The following NCAM2 variants were observed in gnomAD, a reference collection of about 807,000 sequenced individuals.
NCAM2 encodes the protein neural cell adhesion molecule 2.
A neutral mutation model predicts 98.1 loss-of-function variants in NCAM2; 30 were observed. The observed-to-expected ratio is 0.31, with a 90% CI of 0.23 to 0.41. The LOEUF (loss-of-function observed/expected upper bound fraction) is 0.41. NCAM2 is among the 10% of genes least tolerant of loss of function. The pLI is 1.00. For synonymous variants in NCAM2, 368 were observed against 342.4 expected, an observed-to-expected ratio of 1.07 and a Z score of -0.83; for missense variants, 867 against 1,005.8, an observed-to-expected ratio of 0.86 and a Z score of 1.87.
chr21:21,442,952 A>T (rs1250727944), intron 12 of NCAM2, among the ~76,000 whole-genome samples: 1 of 152,158 alleles, frequency 6.6e-6, no homozygotes, highest in South Asian at 2.1e-4. Flanking sequence ...CGCCCCTCCT[A>T]CAAACACTGG....
intron 1 of NCAM2, among the ~76,000 whole-genome samples, chr21:21,152,594 A>G (rs955880442): frequency 4.6e-5 from 7 of 152,002 alleles, no homozygotes; most frequent in African/African-American, 2.4e-5. Context: ...ATTTTAGGCT[A>G]GACTTTGTGG....
chr21:21,209,823 G>A (rs997311686), intron 1 of NCAM2, among the ~76,000 whole-genome samples: 2 of 152,130 alleles, frequency 1.3e-5, no homozygotes, highest in Non-Finnish European at 2.9e-5. Flanking sequence ...GCCGAATCTT[G>A]CTATGTTCCC....
rs1987261074 is a variant in NCAM2 at position 21,496,680 on chromosome 21, C to T, written c.2078-12171C>T. The stretch of plus-strand genomic sequence containing the variant: ...TCATTTGGAGATTTAGCCAAAAATC[C>T]CTTGCCAAGGCCAATGTCAAGAAGA... On this transcript the variant is annotated intron_variant, in intron 15 of 17. Coordinates refer to ENST00000400546, the MANE Select transcript of NCAM2 (RefSeq NM_004540.5). Among the ~76,000 whole-genome samples, 2 of 151,958 alleles carry T rather than the reference C, an allele frequency of 1.3e-5. 1 individual carries two copies. The highest frequency in any genetic ancestry group is 4.1e-4 in the South Asian group (2 of 4,824).
At chr21:21,100,832 C>T (rs1037314489) in intron 1 of NCAM2, among the ~76,000 whole-genome samples, 5 of 152,032 alleles carry the variant, frequency 3.3e-5, no homozygotes, top group Non-Finnish European at 7.4e-5. Context: ...TAGCTGTTCT[C>T]TTGGGAGCAC....
chr21:21,525,041 A>T (rs1284012609), intron 16 of NCAM2, among the ~76,000 whole-genome samples: 3 of 152,262 alleles, frequency 2.0e-5, no homozygotes, highest in East Asian at 3.9e-4. Context: ...CCTTGAATAC[A>T]TATATTAGAA....
intron 5 of NCAM2, among the ~76,000 whole-genome samples, chr21:21,298,170 A>T (rs2028737): frequency 0.74 from 111,979 of 151,602 alleles, 41,491 homozygotes; most frequent in South Asian, 0.82. Context: ...CTATTTATAA[A>T]AAATGAAAAG....
intron 2 of NCAM2, among the ~76,000 whole-genome samples, chr21:21,282,734 A>T (rs1454992148): frequency 3.3e-5 from 5 of 151,636 alleles, no homozygotes. Context: ...AACTACATTT[A>T]AGAAAATAAA....
intron 1 of NCAM2, among the ~76,000 whole-genome samples, chr21:21,063,210 C>CTTTTTTTTTTTTTTTTTT (rs11325446): frequency 1.5e-5 from 1 of 66,052 alleles, no homozygotes; most frequent in Admixed American, 2.7e-4. Flanking sequence ...TCTTTACATT[C>CTTTTTTTTTTTTTTTTTT]TTTTTTTTTT....
intron 1 of NCAM2, among the ~76,000 whole-genome samples, chr21:21,125,712 T>TAG (rs1369606850): frequency 5.5e-5 from 2 of 36,072 alleles, no homozygotes; most frequent in African/African-American, 1.2e-4. Context: ...CATATATATA[T>TAG]ATAGAGAGAG....
rs376203965 is a variant in NCAM2 at position 21,293,311 on chromosome 21, A to G, written c.619+1070A>G. ...TAATTTTTTTTTTTCTTGAATTCAT[A>G]CAACTTGGTTTCTCTACACTTAATC... On this transcript the variant is annotated intron_variant, in intron 5 of 17. Transcript: ENST00000400546. Among the ~76,000 whole-genome samples, 14 of 151,616 alleles carry G rather than the reference A, an allele frequency of 9.2e-5. No homozygotes were observed. The South Asian group carries it at 1.5e-3, about 16-fold the overall frequency.
At chr21:21,048,689 C>A (rs1320609253) in intron 1 of NCAM2, among the ~76,000 whole-genome samples, 1 of 152,122 alleles carries the variant, frequency 6.6e-6, no homozygotes, top group East Asian at 1.9e-4. Context: ...ATGTCTCATG[C>A]CTCCCTAAAA....
At chr21:21,076,412 G>C (rs8128089) in intron 1 of NCAM2, among the ~76,000 whole-genome samples, 5,631 of 152,144 alleles carry the variant, frequency 0.037, 325 homozygotes, top group African/African-American at 0.13. Flanking sequence ...TAGAAAATTA[G>C]AGCCATTTAA....
At chr21:21,000,761 A>T (rs896090953) in intron 1 of NCAM2, among the ~76,000 whole-genome samples, 4 of 152,222 alleles carry the variant, frequency 2.6e-5, no homozygotes, top group African/African-American at 9.6e-5. Context: ...CTTCTATGCC[A>T]TGTGTCCTGA....
intron 9 of NCAM2, among the ~76,000 whole-genome samples, chr21:21,385,264 G>GT (rs1555885223): frequency 6.6e-6 from 1 of 151,680 alleles, no homozygotes; most frequent in Non-Finnish European, 1.5e-5. Flanking sequence ...AGCTATTGTC[G>GT]TAATTAAATA....
intron 1 of NCAM2, among the ~76,000 whole-genome samples, chr21:21,064,967 G>A (rs1295863653): frequency 6.6e-6 from 1 of 152,006 alleles, no homozygotes; most frequent in Non-Finnish European, 1.5e-5. Context: ...ATCACCTGAG[G>A]TCAGGAGTTC....
chr21:21,280,408 TA>T (rs1471318697), intron 1 of NCAM2, among the ~76,000 whole-genome samples, 169 bp from the exon 2 acceptor site: 1 of 152,156 alleles, frequency 6.6e-6, no homozygotes, highest in Non-Finnish European at 1.5e-5. Context: ...AACAAAGTAA[TA>T]TGTATAATGG....
At position 21,338,445 on chromosome 21, in the gene NCAM2, A is replaced by G; in HGVS notation, c.955A>G (p.Thr319Ala). ...AACTACATATGAGAATGGTCAAGTCACACTCGTATGTGATGCGGAAGGGGA... is the reference window on the plus strand; with the variant it reads ...AACTACATATGAGAATGGTCAAGTCGCACTCGTATGTGATGCGGAAGGGGA... ...NETTYENGQV[T>A]LVCDAEGEPI... The change falls in exon 8 of 18, where the codon ACA becomes GCA. Residue 319 changes from threonine (T) to alanine (A), a missense_variant. Transcript: ENST00000400546. The G allele has an allele frequency of 1.9e-6, 3 of 1,613,076 alleles. No homozygotes were observed. The highest frequency in any genetic ancestry group is 1.7e-6 in the Non-Finnish European group (2 of 1,179,396).
chr21:21,101,191 A>G (rs776204979), intron 1 of NCAM2, among the ~76,000 whole-genome samples: 16 of 152,062 alleles, frequency 1.1e-4, no homozygotes, highest in Non-Finnish European at 2.1e-4. Flanking sequence ...TAAATTGTAA[A>G]TGATATCTCT....
intron 8 of NCAM2, among the ~76,000 whole-genome samples, chr21:21,368,848 G>A (rs1387253598): frequency 6.6e-6 from 1 of 151,754 alleles, no homozygotes; most frequent in East Asian, 1.9e-4. Context: ...CAGTGTGAGT[G>A]ATCTTTTTAA....
Sources: gnomAD v4.1 joint callset for allele counts (sites outside exome capture counted in the v4.1 genomes callset) on GRCh38, gnomAD v4.1.1 for gene constraint, MANE v1.5 for transcripts, NCBI Gene and HGNC (gene_info 2026-07-23, HGNC 2026-07-21) for gene names.